The following MME variants were observed in gnomAD, a reference collection of about 807,000 sequenced individuals.
The protein encoded by MME is neprilysin.
MME carries 98 observed loss-of-function variants against 113.2 expected under a neutral mutation model. The observed-to-expected ratio is 0.87, with a 90% CI of 0.74 to 1.02. The LOEUF (loss-of-function observed/expected upper bound fraction) is 1.02. Ranked by LOEUF, MME falls within the 50% of genes least tolerant of loss-of-function variation. The pLI, the probability that MME is intolerant of heterozygous loss-of-function variation, is 0.00. For missense variants in MME, 836 were observed against 896.0 expected, an observed-to-expected ratio of 0.93 and a Z score of 0.86; for synonymous variants, 292 against 300.6, an observed-to-expected ratio of 0.97 and a Z score of 0.30.
intron 3 of MME, among the ~76,000 whole-genome samples, chr3:155,111,563 A>G (rs1430293077): frequency 1.3e-5 from 2 of 152,192 alleles, no homozygotes; most frequent in Non-Finnish European, 2.9e-5. Flanking sequence ...AGTTGCTTTT[A>G]CAGGATGGAG....
At chr3:155,126,060 C>A (rs1719625051) in intron 8 of MME, among the ~76,000 whole-genome samples, 1 of 151,942 alleles carries the variant, frequency 6.6e-6, no homozygotes, top group South Asian at 2.1e-4. Flanking sequence ...AATGACTACA[C>A]AACACTGAAA....
intron 17 of MME, among the ~76,000 whole-genome samples, chr3:155,165,410 TA>T (rs1723025767): frequency 6.6e-6 from 1 of 151,778 alleles, no homozygotes; most frequent in African/African-American, 2.4e-5. Flanking sequence ...TTCATGAGAG[TA>T]TATATTATAA....
At chr3:155,047,216 A>G (rs1159218157) in intron 1 of MME, among the ~76,000 whole-genome samples, 1 of 152,146 alleles carries the variant, frequency 6.6e-6, no homozygotes, top group Admixed American at 6.5e-5. Flanking sequence ...GACCTTTCCT[A>G]TGGTTATATA....
chr3:155,135,165 G>A (rs1559941077), intron 8 of MME, among the ~76,000 whole-genome samples: 1 of 152,016 alleles, frequency 6.6e-6, no homozygotes, highest in Non-Finnish European at 1.5e-5. Context: ...GTCAATATTT[G>A]TTTTTGTTGC....
At chr3:155,083,846 C>A (rs145131802) in intron 1 of MME, 2 of 327,314 alleles carry the variant, frequency 6.1e-6, no homozygotes, top group Non-Finnish European at 1.2e-5. Context: ...TTATAAACTG[C>A]TGAATTAATC....
chr3:155,076,911 C>T (rs2108148865), upstream of MME, among the ~76,000 whole-genome samples: 1 of 152,296 alleles, frequency 6.6e-6, no homozygotes, highest in Middle Eastern at 3.4e-3. Flanking sequence ...GCAGTGAGGA[C>T]CACCAGCGGT....
At chr3:155,176,340 AT>A (rs1423729192) in intron 22 of MME, among the ~76,000 whole-genome samples, 2 of 152,184 alleles carry the variant, frequency 1.3e-5, no homozygotes, top group Non-Finnish European at 2.9e-5. Flanking sequence ...TAAAGTAAAA[AT>A]TTCAAGTAAA....
chr3:155,070,582 C>T (rs534131715), intron 1 of MME, among the ~76,000 whole-genome samples: 21 of 151,960 alleles, frequency 1.4e-4, no homozygotes, highest in Middle Eastern at 3.4e-3. Flanking sequence ...AGGATTGGTA[C>T]GGTATAAAGC....
intron 12 of MME, among the ~76,000 whole-genome samples, chr3:155,143,060 C>A (rs990857845): frequency 1.3e-5 from 2 of 152,126 alleles, no homozygotes; most frequent in Non-Finnish European, 2.9e-5. Flanking sequence ...ACTCAGAGTT[C>A]AGCTAAAACC....
At chr3:155,076,819 T>A (rs1714764410), upstream of MME, among the ~76,000 whole-genome samples, 1 of 152,228 alleles carries the variant, frequency 6.6e-6, no homozygotes, top group Admixed American at 6.5e-5. Context: ...CTTCTGGATG[T>A]TGCTATAGCA....
chr3:155,164,311 G>A (rs1208879225), intron 17 of MME, among the ~76,000 whole-genome samples: 1 of 152,016 alleles, frequency 6.6e-6, no homozygotes, highest in Non-Finnish European at 1.5e-5. Flanking sequence ...GAGGAGACAT[G>A]GTCTTTTGCT....
At chr3:155,124,954 G>A (rs1356110329) in intron 8 of MME, among the ~76,000 whole-genome samples, 29 of 152,198 alleles carry the variant, frequency 1.9e-4, no homozygotes, top group African/African-American at 7.0e-4. Context: ...CACCCAGTTC[G>A]AGCTTCCGGG....
intron 1 of MME, among the ~76,000 whole-genome samples, chr3:155,031,455 T>C (rs866889800): frequency 6.6e-6 from 1 of 151,944 alleles, no homozygotes; most frequent in Admixed American, 6.6e-5. Context: ...GTTCAGATCA[T>C]AGAGGAAGAA....
At position 155,172,723 on chromosome 3, in the gene MME, C is replaced by T. The variant is rs572842340; in HGVS notation, c.2153+111C>T. ...TTCTTTTACATTTGGAAATTCAGTG[C>T]TTTTTTTTTTTTTTGAGAGTCAAAG... On this transcript the variant is annotated intron_variant, in intron 22 of 22. Coordinates refer to ENST00000360490, the MANE Select transcript of MME (RefSeq NM_007289.4). 1,696 of 634,864 alleles carry T rather than the reference C, an allele frequency of 2.7e-3. 8 individuals are homozygous for T. The highest frequency in any genetic ancestry group is 0.022 in the African/African-American group (1,136 of 50,904). 39.3% of individuals were successfully genotyped at this position (634,864 alleles called of 1,614,324 possible). A position where few individuals can be genotyped will look rare whatever the true frequency, so the allele number is the denominator to read the frequency against.
intron 1 of MME, among the ~76,000 whole-genome samples, chr3:155,024,611 C>T (rs1712714166): frequency 6.6e-6 from 1 of 152,142 alleles, no homozygotes; most frequent in African/African-American, 2.4e-5. Flanking sequence ...ATATTGATAT[C>T]ATTCCACTTT....
intron 1 of MME, among the ~76,000 whole-genome samples, chr3:155,036,269 G>A (rs879495701): frequency 5.3e-5 from 8 of 152,092 alleles, no homozygotes; most frequent in South Asian, 2.1e-4. Flanking sequence ...AATCAACTTC[G>A]TTAGATATAA....
chr3:155,041,478 G>T (rs900931167), intron 1 of MME, among the ~76,000 whole-genome samples: 1 of 152,042 alleles, frequency 6.6e-6, no homozygotes, highest in South Asian at 2.1e-4. Flanking sequence ...ATTAAAGCTG[G>T]TTTACATCTT....
chr3:155,076,470 C>T (rs1714753330), upstream of MME, among the ~76,000 whole-genome samples: 1 of 152,166 alleles, frequency 6.6e-6, no homozygotes, highest in African/African-American at 2.4e-5. Flanking sequence ...ACCAGGACAG[C>T]TACTGTTTTC....
chr3:155,109,853 T>A (rs1013825137), intron 3 of MME, among the ~76,000 whole-genome samples: 2 of 152,246 alleles, frequency 1.3e-5, no homozygotes, highest in African/African-American at 4.8e-5. Context: ...CATTTTCCAA[T>A]GTGCTCCAAA....
Sources: gnomAD v4.1 joint callset for allele counts (sites outside exome capture counted in the v4.1 genomes callset) on GRCh38, gnomAD v4.1.1 for gene constraint, MANE v1.5 for transcripts, NCBI Gene and HGNC (gene_info 2026-07-23, HGNC 2026-07-21) for gene names.